The following FOXP2 variants were observed in gnomAD, a reference collection of about 807,000 sequenced individuals.
FOXP2 encodes forkhead box P2, also known as forkhead box protein P2.
Under a neutral mutation model 115.8 loss-of-function variants are expected in FOXP2, and 12 were observed. The observed-to-expected ratio is 0.10, with a 90% CI of 0.07 to 0.17. FOXP2 has a LOEUF of 0.17. Ranked by LOEUF, FOXP2 falls within the 10% of genes least tolerant of loss-of-function variation. The probability of loss-of-function intolerance (pLI) is 1.00; values close to 1 mark genes in which losing one functional copy is unlikely to be tolerated. For synonymous variants in FOXP2, 328 were observed against 297.7 expected, an observed-to-expected ratio of 1.10 and a Z score of -1.05; for missense variants, 629 against 843.5, an observed-to-expected ratio of 0.75 and a Z score of 3.15.
intron 3 of FOXP2, among the ~76,000 whole-genome samples, chr7:114,541,661 T>C (rs1799670277): frequency 2.0e-5 from 3 of 151,886 alleles, no homozygotes; most frequent in African/African-American, 7.2e-5. Flanking sequence ...AAATGTACTT[T>C]TGCTTCTCAG....
At chr7:114,388,486 T>C (rs551669687) in intron 2 of FOXP2, among the ~76,000 whole-genome samples, 1 of 151,942 alleles carries the variant, frequency 6.6e-6, no homozygotes, top group African/African-American at 2.4e-5. Flanking sequence ...TCCTGGGAGG[T>C]TAAAACTGAA....
intron 2 of FOXP2, among the ~76,000 whole-genome samples, chr7:114,491,239 C>T (rs1042836680): frequency 1.3e-5 from 2 of 152,140 alleles, no homozygotes; most frequent in Admixed American, 6.6e-5. Context: ...TTTTGATTTG[C>T]ATTTCTCTGA....
At chr7:114,588,243 G>T (rs1041428633) in intron 3 of FOXP2, among the ~76,000 whole-genome samples, 3 of 151,892 alleles carry the variant, frequency 2.0e-5, no homozygotes, top group Non-Finnish European at 2.9e-5. Flanking sequence ...AGAGGCGGAG[G>T]TTGCCGTGAG....
chr7:114,351,074 C>T (rs1020620326), intron 2 of FOXP2, among the ~76,000 whole-genome samples: 2 of 152,066 alleles, frequency 1.3e-5, no homozygotes, highest in African/African-American at 2.4e-5. Flanking sequence ...CAGACACAAC[C>T]ATCTATTTTT....
intron 2 of FOXP2, among the ~76,000 whole-genome samples, chr7:114,490,947 A>G (rs1218048851): frequency 6.6e-6 from 1 of 152,172 alleles, no homozygotes; most frequent in African/African-American, 2.4e-5. Flanking sequence ...GCTATTGTGA[A>G]TAGTGCCGTA....
At position 114,181,382 on chromosome 7, in the gene FOXP2, T is replaced by C. The variant is rs112525731; in HGVS notation, c.-102+18294T>C. Reference sequence around the variant, plus strand: ...AAATATTTCAGAACTTTTCTTTGTATAGTGATCCTCCAAAGATCTCATGCC... The same window carrying C: ...AAATATTTCAGAACTTTTCTTTGTACAGTGATCCTCCAAAGATCTCATGCC... On this transcript the variant is annotated intron_variant, in intron 1 of 17. Coordinates refer to the FOXP2 transcript ENST00000634411. Among the ~76,000 whole-genome samples the C allele has an allele frequency of 6.0e-3, 910 of 152,020 alleles. 11 individuals are homozygous for C. Among genetic ancestry groups the C allele is most frequent in the African/African-American group, 0.021 (854 of 41,548 alleles).
chr7:114,495,824 A>G (rs908321354), intron 2 of FOXP2, among the ~76,000 whole-genome samples: 35 of 152,050 alleles, frequency 2.3e-4, no homozygotes, highest in African/African-American at 3.4e-4. Context: ...TATTTTCTAT[A>G]TAGTGTTTGC....
intron 1 of FOXP2, among the ~76,000 whole-genome samples, chr7:114,253,217 T>C (rs1391203662): frequency 6.6e-6 from 1 of 152,216 alleles, no homozygotes; most frequent in Non-Finnish European, 1.5e-5. Flanking sequence ...TTCAAGTATG[T>C]GGTCAATTTT....
At chr7:114,356,207 T>C (rs951240506) in intron 2 of FOXP2, among the ~76,000 whole-genome samples, 1 of 152,158 alleles carries the variant, frequency 6.6e-6, no homozygotes, top group African/African-American at 2.4e-5. Context: ...GTATCTTCTA[T>C]TACTTGGAGT....
At chr7:114,585,251 T>A (rs1371646917) in intron 3 of FOXP2, among the ~76,000 whole-genome samples, 2 of 152,198 alleles carry the variant, frequency 1.3e-5, no homozygotes, top group Admixed American at 1.3e-4. Context: ...TGCGTAGCCA[T>A]CAGGGTGACA....
chr7:114,220,935 G>C (rs1794604787), intron 1 of FOXP2, among the ~76,000 whole-genome samples: 1 of 152,124 alleles, frequency 6.6e-6, no homozygotes, highest in African/African-American at 2.4e-5. Context: ...AAGAGGTATT[G>C]TTTGATTATC....
At chr7:114,413,394 A>C (rs576789663), upstream of FOXP2, among the ~76,000 whole-genome samples, 75 of 150,210 alleles carry the variant, frequency 5.0e-4, no homozygotes, top group African/African-American at 1.9e-3. Flanking sequence ...TGCTTTGTTC[A>C]CAATCTGATA....
intron 2 of FOXP2, among the ~76,000 whole-genome samples, chr7:114,357,360 C>T (rs1048666950): frequency 3.3e-5 from 5 of 152,074 alleles, no homozygotes; most frequent in African/African-American, 9.7e-5. Context: ...TTAATGGAGA[C>T]GTATTGATTC....
chr7:114,539,842 A>G (rs1404421988), intron 3 of FOXP2, among the ~76,000 whole-genome samples: 1 of 152,052 alleles, frequency 6.6e-6, no homozygotes, highest in East Asian at 1.9e-4. Context: ...CTCATGGCAT[A>G]TAGAAGAAAG....
At chr7:114,378,903 A>G (rs559076101) in intron 2 of FOXP2, among the ~76,000 whole-genome samples, 57 of 150,898 alleles carry the variant, frequency 3.8e-4, no homozygotes, top group Non-Finnish European at 6.8e-4. Flanking sequence ...AAATAATTAC[A>G]TCTTACTTTT....
intron 4 of FOXP2, 138 bp from the exon 5 acceptor site, chr7:114,629,667 C>T (rs765415620): frequency 6.3e-7 from 1 of 1,599,982 alleles, no homozygotes; most frequent in Non-Finnish European, 8.5e-7. Context: ...CTCTTTGAAT[C>T]CAATGTATAT....
chr7:114,340,963 G>A lies in FOXP2; in HGVS notation c.-11+52854G>A, dbSNP rs940779136. On this transcript the variant is annotated intron_variant, in intron 2 of 17. Coordinates refer to the FOXP2 transcript ENST00000634411. ...AAATCTAAAATATCCTTAGAGGTAAGCTAAGTGCTTAATGTACTGTAGTTA... is the reference window on the plus strand; with the variant it reads ...AAATCTAAAATATCCTTAGAGGTAAACTAAGTGCTTAATGTACTGTAGTTA... Among the ~76,000 whole-genome samples the A allele has an allele frequency of 1.9e-4, 28 of 151,060 alleles. No homozygotes were observed. The Admixed American group carries it at 1.9e-3, about 10-fold the overall frequency.
At chr7:114,628,218 T>C (rs868431952) in intron 3 of FOXP2, among the ~76,000 whole-genome samples, 8 of 152,136 alleles carry the variant, frequency 5.3e-5, no homozygotes, top group African/African-American at 1.9e-4. Context: ...AGATGATCAA[T>C]TATGAAATAT....
intron 1 of FOXP2, among the ~76,000 whole-genome samples, chr7:114,152,215 T>G (rs1697818875): frequency 6.6e-6 from 1 of 152,146 alleles, no homozygotes. Flanking sequence ...TGAAACAAAT[T>G]GTTCCGACAT....
Sources: allele counts gnomAD v4.1 joint callset (sites outside exome capture counted in the v4.1 genomes callset), GRCh38; gene constraint gnomAD v4.1.1; transcripts MANE v1.5; gene names NCBI Gene and HGNC (gene_info 2026-07-23, HGNC 2026-07-21).